The following ST6GALNAC3 variants were observed in gnomAD, a reference collection of about 807,000 sequenced individuals.
ST6GALNAC3 encodes alpha-N-acetylgalactosaminide alpha-2,6-sialyltransferase 3.
A neutral mutation model predicts 32.7 loss-of-function variants in ST6GALNAC3; 25 were observed. That is an observed-to-expected ratio of 0.76 (90% CI 0.56 to 1.07). The LOEUF is 1.07. Ranked by LOEUF, ST6GALNAC3 falls within the 50% of genes least tolerant of loss-of-function variation. The probability of loss-of-function intolerance (pLI) is 0.00; values close to 1 mark genes in which losing one functional copy is unlikely to be tolerated. For missense variants in ST6GALNAC3, 355 were observed against 382.4 expected (o/e 0.93, Z 0.60); for synonymous variants, 129 against 133.1 (o/e 0.97, Z 0.21).
chr1:76,629,070 G>A lies in ST6GALNAC3; in HGVS notation c.*264G>A. 8.3e-7 allele frequency: 1 copy of A among 1,202,100 alleles called. No homozygotes were observed. Among genetic ancestry groups the A allele is most frequent in the Non-Finnish European group, 1.0e-6 (1 of 968,322 alleles). 74.5% of individuals were successfully genotyped at this position (1,202,100 alleles called of 1,614,324 possible). On this transcript the variant is annotated 3_prime_UTR_variant, in exon 5 of 5. Transcript: ENST00000328299. ...TAATTTAACTGGAATTGAGATGAAG[G>A]CCAGTGACATGACAACTGTGACCTA...
chr1:76,495,706 C>T (rs1307812371), intron 3 of ST6GALNAC3, among the ~76,000 whole-genome samples: 1 of 152,160 alleles, frequency 6.6e-6, no homozygotes, highest in Non-Finnish European at 1.5e-5. Context: ...AAAGTCAACT[C>T]GAAAATTGTA....
intron 1 of ST6GALNAC3, among the ~76,000 whole-genome samples, chr1:76,238,718 C>T (rs138545696): frequency 6.6e-6 from 1 of 152,134 alleles, no homozygotes; most frequent in East Asian, 1.9e-4. Context: ...TTCAATTATA[C>T]AGTAAGAGCA....
chr1:76,223,451 C>A (rs1401198364), intron 1 of ST6GALNAC3, among the ~76,000 whole-genome samples: 1 of 152,050 alleles, frequency 6.6e-6, no homozygotes, highest in Non-Finnish European at 1.5e-5. Flanking sequence ...CTATCAGGTG[C>A]CATTACTGTG....
chr1:76,443,461 C>T (rs371521349), intron 3 of ST6GALNAC3, among the ~76,000 whole-genome samples: 2 of 152,202 alleles, frequency 1.3e-5, no homozygotes, highest in African/African-American at 2.4e-5. Flanking sequence ...AGGACGCTAT[C>T]GGTTCATTCA....
intron 3 of ST6GALNAC3, among the ~76,000 whole-genome samples, chr1:76,550,969 A>G (rs929118609): frequency 6.6e-6 from 1 of 152,120 alleles, no homozygotes; most frequent in Non-Finnish European, 1.5e-5. Flanking sequence ...CACGTTTGCC[A>G]GTCTGGTCTT....
At chr1:76,578,200 C>T (rs1193083725) in intron 3 of ST6GALNAC3, among the ~76,000 whole-genome samples, 1 of 152,010 alleles carries the variant, frequency 6.6e-6, no homozygotes, top group Admixed American at 6.6e-5. Context: ...CATTTGCCAA[C>T]CATAAAATCC....
chr1:76,222,889 A>C (rs1655858043), intron 1 of ST6GALNAC3, among the ~76,000 whole-genome samples: 1 of 152,162 alleles, frequency 6.6e-6, no homozygotes, highest in Admixed American at 6.5e-5. Context: ...ATTACTAAAA[A>C]GCCAAAAAAC....
intron 3 of ST6GALNAC3, among the ~76,000 whole-genome samples, chr1:76,523,315 C>A (rs1662669494): frequency 6.6e-6 from 1 of 152,062 alleles, no homozygotes; most frequent in South Asian, 2.1e-4. Flanking sequence ...GTCTTAATAT[C>A]TACATCATGT....
At chr1:76,104,864 G>A (rs1012783492) in intron 1 of ST6GALNAC3, among the ~76,000 whole-genome samples, 6 of 152,024 alleles carry the variant, frequency 3.9e-5, no homozygotes, top group Non-Finnish European at 7.4e-5. Context: ...AGAGAGCTTG[G>A]GCAGGCAAAG....
intron 2 of ST6GALNAC3, among the ~76,000 whole-genome samples, chr1:76,406,359 C>T (rs77682287): frequency 2.0e-3 from 302 of 151,918 alleles, no homozygotes; most frequent in African/African-American, 7.0e-3. Flanking sequence ...CTTTTTTGCC[C>T]GACATGGACA....
chr1:76,110,309 A>G (rs1297816145), intron 1 of ST6GALNAC3, among the ~76,000 whole-genome samples: 1 of 152,258 alleles, frequency 6.6e-6, no homozygotes, highest in Non-Finnish European at 1.5e-5. Flanking sequence ...CTCCTGGGGC[A>G]TTTGAGTGTT....
chr1:76,090,447 C>T (rs1647028836), intron 1 of ST6GALNAC3, among the ~76,000 whole-genome samples: 2 of 152,368 alleles, frequency 1.3e-5, no homozygotes, highest in South Asian at 4.1e-4. Context: ...GGTCTACCCA[C>T]CTACTGCTCT....
At chr1:76,105,101 C>T (rs1219924127) in intron 1 of ST6GALNAC3, among the ~76,000 whole-genome samples, 6 of 152,198 alleles carry the variant, frequency 3.9e-5, no homozygotes, top group South Asian at 2.1e-4. Flanking sequence ...AAGCTTTTCT[C>T]ATCTATCCAC....
intron 1 of ST6GALNAC3, among the ~76,000 whole-genome samples, chr1:76,251,890 T>A (rs77057416): frequency 1.3e-5 from 2 of 152,168 alleles, no homozygotes; most frequent in African/African-American, 4.8e-5. Context: ...ACTCAGAAGA[T>A]ACGCTCCTTA....
chr1:76,165,739 G>T (rs1003246649), intron 1 of ST6GALNAC3, among the ~76,000 whole-genome samples: 6 of 151,988 alleles, frequency 3.9e-5, no homozygotes, highest in Admixed American at 3.9e-4. Flanking sequence ...ATCTCATTGT[G>T]GTTTTGATTT....
chr1:76,599,814 A>G (rs1170022659), intron 3 of ST6GALNAC3, among the ~76,000 whole-genome samples: 1 of 147,852 alleles, frequency 6.8e-6, no homozygotes, highest in African/African-American at 2.5e-5. Flanking sequence ...ATCACAATTT[A>G]TTGTTTTGGG....
intron 3 of ST6GALNAC3, among the ~76,000 whole-genome samples, chr1:76,430,997 C>A (rs990299790): frequency 6.6e-6 from 1 of 152,068 alleles, no homozygotes; most frequent in African/African-American, 2.4e-5. Context: ...AACTCAAAGA[C>A]CTTTTTGGGA....
chr1:76,282,944 C>A (rs1450630476), intron 1 of ST6GALNAC3, among the ~76,000 whole-genome samples: 1 of 151,944 alleles, frequency 6.6e-6, no homozygotes, highest in Non-Finnish European at 1.5e-5. Context: ...GAGGCTGAGG[C>A]AGAAGAATTG....
chr1:76,269,103 C>G (rs1026411685), intron 1 of ST6GALNAC3, among the ~76,000 whole-genome samples: 11 of 152,162 alleles, frequency 7.2e-5, no homozygotes, highest in Admixed American at 6.5e-4. Flanking sequence ...TGTGAAGAAG[C>G]CTGGAACCAA....
Sources: gnomAD v4.1 joint callset for allele counts (sites outside exome capture counted in the v4.1 genomes callset) on GRCh38, gnomAD v4.1.1 for gene constraint, MANE v1.5 for transcripts, NCBI Gene and HGNC (gene_info 2026-07-23, HGNC 2026-07-21) for gene names.